Variants in EHBP1 observed in about 807,000 individuals in gnomAD.
EHBP1 encodes EH domain binding protein 1.
EHBP1 carries 55 observed loss-of-function variants against 144.0 expected under a neutral mutation model. That is an observed-to-expected ratio of 0.38 (90% CI 0.31 to 0.48). The LOEUF (loss-of-function observed/expected upper bound fraction) is 0.48, where lower values mean the gene tolerates loss of function less well. EHBP1 is among the 20% of genes least tolerant of loss of function. The pLI is 0.98. For synonymous variants in EHBP1, 469 were observed against 472.7 expected, an observed-to-expected ratio of 0.99 and a Z score of 0.10; for missense variants, 1,200 against 1,364.2, an observed-to-expected ratio of 0.88 and a Z score of 1.90.
At chr2:62,840,203 A>T (rs1369734165) in intron 7 of EHBP1, among the ~76,000 whole-genome samples, 1 of 150,830 alleles carries the variant, frequency 6.6e-6, no homozygotes, top group African/African-American at 2.4e-5. Context: ...CAACTATCTG[A>T]TCTTTGACAA....
At chr2:62,917,433 AACAGATGCGCACGTGTGCAC>A (rs1433525902) in intron 10 of EHBP1, among the ~76,000 whole-genome samples, 6 of 152,152 alleles carry the variant, frequency 3.9e-5, no homozygotes. Context: ...TATTAATATA[AACAGATGCGCACGTGTGCAC>A]ACAGATGCAC....
intron 5 of EHBP1, among the ~76,000 whole-genome samples, chr2:62,793,102 A>G (rs1474006122): frequency 6.6e-6 from 1 of 151,988 alleles, no homozygotes; most frequent in Non-Finnish European, 1.5e-5. Context: ...TAATTTTTTT[A>G]GGGTGCTATT....
intron 14 of EHBP1, among the ~76,000 whole-genome samples, chr2:62,977,376 A>G (rs1042012695): frequency 9.9e-5 from 15 of 152,022 alleles, no homozygotes; most frequent in African/African-American, 2.9e-4. Flanking sequence ...TCTTGTCTCT[A>G]TGTTTTTGTA....
intron 10 of EHBP1, among the ~76,000 whole-genome samples, chr2:62,880,809 T>C (rs35589581): frequency 0.12 from 17,933 of 152,192 alleles, 1,304 homozygotes; most frequent in East Asian, 0.19. Context: ...CTGGTGGGAA[T>C]GTAAAATAGT....
intron 16 of EHBP1, among the ~76,000 whole-genome samples, chr2:62,992,896 A>C (rs2059469362): frequency 6.6e-6 from 1 of 152,216 alleles, no homozygotes; most frequent in Non-Finnish European, 1.5e-5. Context: ...ATTAGGTATA[A>C]AATGAAATAT....
At chr2:62,840,960 T>G (rs1357614183) in intron 7 of EHBP1, among the ~76,000 whole-genome samples, 3 of 152,162 alleles carry the variant, frequency 2.0e-5, no homozygotes, top group Admixed American at 1.3e-4. Flanking sequence ...GAACTAGAAT[T>G]ACCATTTGAC....
chr2:62,903,017 C>T lies in EHBP1; in HGVS notation c.1185+28485C>T, dbSNP rs139427812. On this transcript the variant is annotated intron_variant, in intron 10 of 22. Transcript: ENST00000431489. ...TCTAGTTCTTGCTATTATTAGCTCA[C>T]TTGCTAAGTGAGCTCTTGTAGTATG... Among the ~76,000 whole-genome samples, 3 of 152,228 alleles carry T rather than the reference C, an allele frequency of 2.0e-5. No individual in the cohort carries two copies. The East Asian group carries it at 5.8e-4, about 29-fold the overall frequency.
chr2:62,948,166 T>C, intron 12 of EHBP1, 94 bp from the exon 13 acceptor site: 1 of 1,167,878 alleles, frequency 8.6e-7, no homozygotes, highest in South Asian at 2.0e-5. Context: ...CGATAACATG[T>C]ACCCAAACAA....
intron 10 of EHBP1, among the ~76,000 whole-genome samples, chr2:62,927,153 A>T (rs1214802411): frequency 6.6e-6 from 1 of 152,204 alleles, no homozygotes; most frequent in African/African-American, 2.4e-5. Context: ...AGTTGATCTC[A>T]TAGAAGTAAA....
At chr2:62,748,027 T>C (rs1012133769) in intron 3 of EHBP1, among the ~76,000 whole-genome samples, 1 of 152,060 alleles carries the variant, frequency 6.6e-6, no homozygotes, top group African/African-American at 2.4e-5. Flanking sequence ...TATTACTCAG[T>C]CTGCGGCATG....
chr2:62,718,866 A>T (rs1395074728), intron 2 of EHBP1, among the ~76,000 whole-genome samples: 2 of 152,208 alleles, frequency 1.3e-5, no homozygotes, highest in Non-Finnish European at 2.9e-5. Flanking sequence ...TAGCTGCCAA[A>T]ATTAACAAAT....
At chr2:62,858,299 A>G in intron 7 of EHBP1, 1 of 667,962 alleles carries the variant, frequency 1.5e-6, no homozygotes, top group Non-Finnish European at 2.6e-6. Flanking sequence ...TATTCTGTTG[A>G]TTAACCAAAC....
chr2:62,942,104 A>C (rs1370668265), intron 10 of EHBP1, among the ~76,000 whole-genome samples: 1 of 152,172 alleles, frequency 6.6e-6, no homozygotes, highest in Non-Finnish European at 1.5e-5. Flanking sequence ...AGCATATCCA[A>C]AATACATACT....
Position 62,771,381 on chromosome 2 carries a change from G to C in EHBP1, c.301G>C (p.Val101Leu). 1 of 1,591,876 alleles carries C rather than the reference G, an allele frequency of 6.3e-7. No homozygotes were observed. Among genetic ancestry groups the C allele is most frequent in the African/African-American group, 1.3e-5 (1 of 74,222 alleles). ...EEFEDKEWTF[V>L]IENESPSGRR... ...ATTTGAAGACAAAGAGTGGACATTTGTCATAGAAAATGTAAGCTAATGGCA... is the reference window on the plus strand; with the variant it reads ...ATTTGAAGACAAAGAGTGGACATTTCTCATAGAAAATGTAAGCTAATGGCA... Residue 101 changes from valine to leucine, a missense_variant, in exon 5 of 23, where the codon GTC becomes CTC. By Grantham distance (32) the Val-to-Leu change is conservative (BLOSUM62 1). Coordinates refer to ENST00000431489, the MANE Select transcript of EHBP1 (RefSeq NM_001142616.3).
intron 2 of EHBP1, among the ~76,000 whole-genome samples, chr2:62,732,587 C>T (rs2037712718): frequency 6.6e-6 from 1 of 152,118 alleles, no homozygotes; most frequent in South Asian, 2.1e-4. Flanking sequence ...CTCTCTCTTC[C>T]TTCTCCTCTG....
rs566541955 is a variant in EHBP1, at chr2:62,712,272, G to C, written c.104+4977G>C. Among the ~76,000 whole-genome samples the C allele has an allele frequency of 9.1e-4, 139 of 152,270 alleles. No individual in the cohort carries two copies. In the South Asian group the frequency reaches 0.028, roughly 30 times the overall value. On this transcript the variant is annotated intron_variant, in intron 2 of 22. Coordinates refer to ENST00000431489, the MANE Select transcript of EHBP1 (RefSeq NM_001142616.3). ...AGAAGCAGATAGGTTGGTAGATTTG[G>C]TTGGGAAGGATGTGGACATTCTGTT...
chr2:62,809,491 G>GT (rs1450765194), intron 5 of EHBP1, among the ~76,000 whole-genome samples: 1 of 151,788 alleles, frequency 6.6e-6, no homozygotes, highest in Non-Finnish European at 1.5e-5. Flanking sequence ...GAGTTTTTTT[G>GT]TTTTTTGTTT....
chr2:62,847,443 A>C (rs1160227062), intron 7 of EHBP1, among the ~76,000 whole-genome samples: 2 of 152,240 alleles, frequency 1.3e-5, no homozygotes, highest in African/African-American at 4.8e-5. Context: ...CATGGTAGGC[A>C]GAGGGTTTTA....
chr2:62,692,925 A>C (rs899752581), intron 1 of EHBP1, among the ~76,000 whole-genome samples: 2 of 151,928 alleles, frequency 1.3e-5, no homozygotes, highest in Non-Finnish European at 2.9e-5. Context: ...GTTGACTGTA[A>C]TCACCTCTTG....
Sources: gnomAD v4.1 joint callset for allele counts (sites outside exome capture counted in the v4.1 genomes callset) on GRCh38, gnomAD v4.1.1 for gene constraint, MANE v1.5 for transcripts, NCBI Gene and HGNC (gene_info 2026-07-23, HGNC 2026-07-21) for gene names.